Variants in EFCAB5 observed in about 807,000 individuals in gnomAD.
EFCAB5 encodes the protein EF-hand calcium binding domain 5, also known as EF-hand calcium-binding domain-containing protein 5.
Under a neutral mutation model 167.9 loss-of-function variants are expected in EFCAB5, and 131 were observed. The observed-to-expected ratio is 0.78, with a 90% CI of 0.68 to 0.90. EFCAB5 has a LOEUF of 0.90. EFCAB5 is among the 40% of genes least tolerant of loss of function. EFCAB5 has a pLI of 0.00. For missense variants in EFCAB5, 1,663 were observed against 1,745.2 expected, an observed-to-expected ratio of 0.95 and a Z score of 0.84; for synonymous variants, 574 against 602.8, an observed-to-expected ratio of 0.95 and a Z score of 0.70.
intron 8 of EFCAB5, among the ~76,000 whole-genome samples, chr17:30,040,354 T>C (rs1255333636): frequency 6.6e-6 from 1 of 152,220 alleles, no homozygotes. Flanking sequence ...GTCAGGCACC[T>C]CCATGATCTG....
At chr17:29,984,214 C>T (rs947786299) in intron 4 of EFCAB5, among the ~76,000 whole-genome samples, 21 of 151,310 alleles carry the variant, frequency 1.4e-4, no homozygotes, top group African/African-American at 5.1e-4. Flanking sequence ...GGAATGAAAA[C>T]AGAAATTGAG....
intron 22 of EFCAB5, among the ~76,000 whole-genome samples, chr17:30,105,101 T>G (rs1003722570): frequency 1.3e-5 from 2 of 152,190 alleles, no homozygotes; most frequent in African/African-American, 2.4e-5. Context: ...TTTAGGAGTG[T>G]CCTAGGGTGA....
At chr17:30,091,680 G>A (rs376899332) in intron 20 of EFCAB5, among the ~76,000 whole-genome samples, 191 bp from the exon 21 acceptor site, 3 of 152,122 alleles carry the variant, frequency 2.0e-5, no homozygotes, top group African/African-American at 4.8e-5. Context: ...GAGCTTCACC[G>A]GGAGTAATTT....
chr17:30,099,108 A>T (rs1327111308), intron 22 of EFCAB5, among the ~76,000 whole-genome samples: 1 of 152,192 alleles, frequency 6.6e-6, no homozygotes, highest in Non-Finnish European at 1.5e-5. Context: ...CTCCATTAAC[A>T]TTTGTTTACA....
At chr17:30,079,192 C>T (rs541987591) in intron 15 of EFCAB5, among the ~76,000 whole-genome samples, 18 of 152,240 alleles carry the variant, frequency 1.2e-4, no homozygotes, top group East Asian at 7.7e-4. Context: ...CCTGAATGGC[C>T]GAATTTTCCA....
At chr17:29,937,008 T>A (rs144061569), upstream of EFCAB5, among the ~76,000 whole-genome samples, 129 of 152,290 alleles carry the variant, frequency 8.5e-4, 8 homozygotes, top group East Asian at 0.016. Context: ...ACATACCAGG[T>A]GTCAAGGACT....
At chr17:30,031,127 T>C (rs938031940) in intron 7 of EFCAB5, among the ~76,000 whole-genome samples, 29 of 152,260 alleles carry the variant, frequency 1.9e-4, no homozygotes, top group African/African-American at 7.0e-4. Context: ...ACTAGTCAAG[T>C]AAAAAGTCAT....
intron 7 of EFCAB5, among the ~76,000 whole-genome samples, chr17:30,000,984 C>T (rs1020084600): frequency 6.6e-6 from 1 of 152,184 alleles, no homozygotes; most frequent in Non-Finnish European, 1.5e-5. Flanking sequence ...CAGAGATAGC[C>T]CTTCTGCCTC....
At chr17:30,069,704 C>T in intron 14 of EFCAB5, 1 of 1,157,190 alleles carries the variant, frequency 8.6e-7, no homozygotes, top group Admixed American at 2.1e-5. Flanking sequence ...CATGTACCCG[C>T]CGTAGTCTCA....
intron 7 of EFCAB5, among the ~76,000 whole-genome samples, chr17:30,003,355 C>T (rs554841510): frequency 6.6e-5 from 10 of 152,088 alleles, no homozygotes; most frequent in African/African-American, 2.4e-4. Context: ...CCCACTTTAG[C>T]CTCTCAAGTA....
At chr17:29,957,897 TTGAGGAATCACC>T (rs1023051284) in intron 3 of EFCAB5, among the ~76,000 whole-genome samples, 2 of 152,338 alleles carry the variant, frequency 1.3e-5, no homozygotes, top group African/African-American at 4.8e-5. Flanking sequence ...TTCTAGATCT[TTGAGGAATCACC>T]ACACTGTCTT....
At chr17:30,006,833 A>AT (rs926866473) in intron 7 of EFCAB5, among the ~76,000 whole-genome samples, 4 of 151,962 alleles carry the variant, frequency 2.6e-5, no homozygotes, top group African/African-American at 9.7e-5. Flanking sequence ...AATTTTGTTT[A>AT]TTTTTGTGGA....
intron 18 of EFCAB5, among the ~76,000 whole-genome samples, chr17:30,085,002 C>T (rs374785511): frequency 2.2e-4 from 34 of 152,252 alleles, no homozygotes; most frequent in Non-Finnish European, 3.4e-4. Context: ...CCCCTCTCCC[C>T]GCCTCTTCAG....
chr17:30,010,010 A>G (rs1370560398), intron 7 of EFCAB5, among the ~76,000 whole-genome samples: 1 of 151,854 alleles, frequency 6.6e-6, no homozygotes, highest in Non-Finnish European at 1.5e-5. Flanking sequence ...CCTATGTCCA[A>G]GTGTTCTCAT....
intron 14 of EFCAB5, chr17:30,068,972 G>C (rs2070654218): frequency 8.7e-6 from 13 of 1,489,702 alleles, no homozygotes; most frequent in Middle Eastern, 1.9e-4. Context: ...CAACAACTAC[G>C]AACAGAAGCT....
At chr17:29,935,639 A>G (rs1474650120) in intron 1 of EFCAB5, among the ~76,000 whole-genome samples, 1 of 152,158 alleles carries the variant, frequency 6.6e-6, no homozygotes, top group African/African-American at 2.4e-5. Context: ...TGTTAAGTAG[A>G]TACCTAAAAA....
At chr17:29,972,114 T>G (rs2067966612) in intron 4 of EFCAB5, among the ~76,000 whole-genome samples, 1 of 151,892 alleles carries the variant, frequency 6.6e-6, no homozygotes, top group Non-Finnish European at 1.5e-5. Context: ...CTCGGCTCAC[T>G]GCAAGCTCTG....
At chr17:30,001,768 T>C (rs1312699341) in intron 7 of EFCAB5, among the ~76,000 whole-genome samples, 1 of 152,230 alleles carries the variant, frequency 6.6e-6, no homozygotes, top group Non-Finnish European at 1.5e-5. Flanking sequence ...TAACACTATA[T>C]TTTTTTGTGT....
At chr17:30,005,702 T>C (rs530112323) in intron 7 of EFCAB5, among the ~76,000 whole-genome samples, 1 of 152,220 alleles carries the variant, frequency 6.6e-6, no homozygotes, top group South Asian at 2.1e-4. Flanking sequence ...TTATATCTCC[T>C]CCCCTTTGGA....
Sources: allele counts gnomAD v4.1 joint callset (sites outside exome capture counted in the v4.1 genomes callset), GRCh38; gene constraint gnomAD v4.1.1; transcripts MANE v1.5; gene names NCBI Gene and HGNC (gene_info 2026-07-23, HGNC 2026-07-21).